The following SLC11A2 variants were observed in gnomAD, a reference collection of about 807,000 sequenced individuals.
The protein encoded by SLC11A2 is solute carrier family 11 member 2, also known as natural resistance-associated macrophage protein 2.
A neutral mutation model predicts 68.0 loss-of-function variants in SLC11A2; 38 were observed. The ratio of observed to expected loss-of-function variants is 0.56; its 90% CI spans 0.43 to 0.73. SLC11A2 has a LOEUF of 0.73. SLC11A2 is among the 30% of genes least tolerant of loss of function. SLC11A2 has a pLI of 0.00. For synonymous variants in SLC11A2, 242 were observed against 250.6 expected, an observed-to-expected ratio of 0.97 and a Z score of 0.32; for missense variants, 517 against 690.5, an observed-to-expected ratio of 0.75 and a Z score of 2.82.
At chr12:51,021,459 C>G (rs959456951) in intron 1 of SLC11A2, among the ~76,000 whole-genome samples, 2 of 152,120 alleles carry the variant, frequency 1.3e-5, no homozygotes, top group Non-Finnish European at 2.9e-5. Context: ...AACCCCATCT[C>G]TACTAAAAAT....
chr12:50,981,671 T>C, downstream of SLC11A2: 1 of 1,190,512 alleles, frequency 8.4e-7, no homozygotes, highest in Non-Finnish European at 1.2e-6. Flanking sequence ...ACGGGACACC[T>C]GGCACAAAAA....
At chr12:50,978,645 A>G (rs1046149339), downstream of SLC11A2, among the ~76,000 whole-genome samples, 1 of 144,036 alleles carries the variant, frequency 6.9e-6, no homozygotes, top group African/African-American at 2.6e-5. Flanking sequence ...GTATAATAAT[A>G]AAAAAAAAAA....
At chr12:51,007,377 C>T (rs554173326) in intron 3 of SLC11A2, among the ~76,000 whole-genome samples, 1 of 152,176 alleles carries the variant, frequency 6.6e-6, no homozygotes, top group Non-Finnish European at 1.5e-5. Flanking sequence ...CTCTGTCACT[C>T]AGGCCGGAGT....
intron 1 of SLC11A2, among the ~76,000 whole-genome samples, chr12:51,019,592 C>A (rs1943896736): frequency 6.6e-6 from 1 of 151,110 alleles, no homozygotes; most frequent in African/African-American, 2.4e-5. Context: ...TTTTTCCATT[C>A]TAGGTCATGA....
chr12:50,968,189 G>T, the SLC11A2 span, among the ~76,000 whole-genome samples: 2 of 152,160 alleles, frequency 1.3e-5, no homozygotes, highest in Admixed American at 1.3e-4. Context: ...CATTTTTGGA[G>T]TTGGCTAAAC....
upstream of SLC11A2, among the ~76,000 whole-genome samples, chr12:51,026,685 G>A (rs1467422716): frequency 6.6e-6 from 1 of 152,132 alleles, no homozygotes; most frequent in Non-Finnish European, 1.5e-5. Flanking sequence ...GTTCGCCGTG[G>A]CGCCACGTTA....
upstream of SLC11A2, chr12:51,028,238 G>C (rs758911381): frequency 2.0e-6 from 3 of 1,534,202 alleles, no homozygotes; most frequent in South Asian, 2.4e-5. Flanking sequence ...TGCAGAACTA[G>C]TTTGACTTTC....
chr12:51,026,574 T>G (rs1297962431), upstream of SLC11A2, among the ~76,000 whole-genome samples: 2 of 151,664 alleles, frequency 1.3e-5, no homozygotes, highest in South Asian at 2.1e-4. Context: ...GGGAGCTGCA[T>G]GCTGCCTAGT....
chr12:51,002,975 C>T lies in SLC11A2; in HGVS notation c.429+1813G>A, dbSNP rs545012864. Among the ~76,000 whole-genome samples the T allele has an allele frequency of 4.7e-3, 719 of 151,506 alleles. 7 individuals carry two copies. The highest frequency in any genetic ancestry group is 8.5e-3 in the Non-Finnish European group (578 of 67,872). On this transcript the variant is annotated intron_variant, in intron 5 of 15. Coordinates refer to ENST00000262052, the MANE Select transcript of SLC11A2 (RefSeq NM_000617.3). The stretch of plus-strand genomic sequence containing the variant: ...AAACAAGGCCAGGCGCAGTGGCTCA[C>T]GTCTGTAATCCCAGCACTTTGGAAG...
At chr12:51,005,635 T>G (rs1466724917) in intron 3 of SLC11A2, 199 bp from the exon 4 acceptor site, 2 of 1,398,734 alleles carry the variant, frequency 1.4e-6, no homozygotes, top group Middle Eastern at 1.9e-4. Flanking sequence ...TCTGTCCAAG[T>G]CAAAGCTCTT....
At chr12:50,979,593 G>A (rs1396978309), downstream of SLC11A2, 5 of 301,812 alleles carry the variant, frequency 1.7e-5, no homozygotes, top group South Asian at 9.4e-5. Flanking sequence ...AAGTAAAAGC[G>A]TAAAACTGAT....
At position 51,008,200 on chromosome 12, in the gene SLC11A2, G is replaced by A. The variant is rs1942889111; in HGVS notation, c.183+276C>T. 1.1e-5 allele frequency: 4 copies of A among 358,828 alleles called. No individual in the cohort carries two copies. In the Admixed American group the frequency reaches 1.2e-4, roughly 11 times the overall value. The allele number at this position is 358,828 out of a possible 1,614,324, so 22.2% of individuals were successfully genotyped here. A position where few individuals can be genotyped will look rare whatever the true frequency, so the allele number is the denominator to read the frequency against. On this transcript the variant is annotated intron_variant, in intron 3 of 15. Transcript: ENST00000262052. ...AGCCTAGATGACAGAGCAAGACCCTGTCTGTAAAAAAGATTAGATAGACAG... is the reference window on the plus strand; with the variant it reads ...AGCCTAGATGACAGAGCAAGACCCTATCTGTAAAAAAGATTAGATAGACAG...
At chr12:51,017,176 T>C (rs1592437879) in intron 1 of SLC11A2, among the ~76,000 whole-genome samples, 1 of 151,638 alleles carries the variant, frequency 6.6e-6, no homozygotes. Context: ...CAAGGAAATA[T>C]GTACAAGGAT....
At chr12:50,983,871 G>A (rs149914127), downstream of SLC11A2, among the ~76,000 whole-genome samples, 6 of 152,230 alleles carry the variant, frequency 3.9e-5, no homozygotes, top group East Asian at 1.2e-3. Flanking sequence ...GGGAGGCAGA[G>A]GCAGGAGAAT....
In SLC11A2 at chr12:50,986,354, C is replaced by A; in HGVS notation, c.*1971G>T. On this transcript the variant is annotated 3_prime_UTR_variant, in exon 16 of 16. Transcript: ENST00000262052. ...TTTCTGTGAAGATCAAATGCAATAA[C>A]GTATGAGGGTATTTTTAACACTGTG... 8.6e-6 allele frequency: 11 copies of A among 1,280,822 alleles called. No homozygotes were observed. Among genetic ancestry groups the A allele is most frequent in the Non-Finnish European group, 1.1e-5 (11 of 982,912 alleles). The allele number at this position is 1,280,822 out of a possible 1,614,324, so 79.3% of individuals were successfully genotyped here.
intron 15 of SLC11A2, 67 bp from the exon 16 acceptor site, chr12:50,988,502 T>G (rs751837069): frequency 6.2e-7 from 1 of 1,607,590 alleles, no homozygotes; most frequent in Non-Finnish European, 8.5e-7. Flanking sequence ...CACACAGCAC[T>G]TCTCAAATGC....
At chr12:50,956,983 T>G in the SLC11A2 span, among the ~76,000 whole-genome samples, 1 of 144,674 alleles carries the variant, frequency 6.9e-6, no homozygotes, top group Non-Finnish European at 1.5e-5. Context: ...ACCATCATCA[T>G]TTTGTTATTT....
downstream of SLC11A2, among the ~76,000 whole-genome samples, chr12:50,975,977 C>T (rs1939843217): frequency 2.0e-5 from 3 of 152,020 alleles, no homozygotes; most frequent in African/African-American, 7.2e-5. Context: ...CAATAACAGG[C>T]TCTGAAATTG....
chr12:50,969,719 A>C, the SLC11A2 span, among the ~76,000 whole-genome samples: 4,799 of 151,540 alleles, frequency 0.032, 261 homozygotes, highest in African/African-American at 0.11. Flanking sequence ...AAAAAAACAA[A>C]AACAAAACGT....
Sources: gnomAD v4.1 joint callset for allele counts (sites outside exome capture counted in the v4.1 genomes callset) on GRCh38, gnomAD v4.1.1 for gene constraint, MANE v1.5 for transcripts, NCBI Gene and HGNC (gene_info 2026-07-23, HGNC 2026-07-21) for gene names.